CTNNA3: variants seen among roughly 807,000 people sequenced by gnomAD.
CTNNA3 encodes the protein catenin alpha 3.
In CTNNA3, 76 loss-of-function variants were observed where a neutral mutation model predicts 95.7. The observed-to-expected ratio is 0.79, with a 90% CI of 0.66 to 0.96. The LOEUF (loss-of-function observed/expected upper bound fraction) is 0.96. Among genes scored for constraint, CTNNA3 ranks in the 40% least tolerant of loss-of-function variants. The pLI is 0.00. For synonymous variants in CTNNA3, 431 were observed against 374.4 expected (o/e 1.15, Z -1.74); for missense variants, 1,191 against 1,089.8 (o/e 1.09, Z -1.31).
intron 9 of CTNNA3, among the ~76,000 whole-genome samples, chr10:66,711,907 C>T (rs2132608492): frequency 6.6e-6 from 1 of 152,176 alleles, no homozygotes; most frequent in African/African-American, 2.4e-5. Context: ...TGTGTTTTTA[C>T]TATTTAGAAT....
chr10:67,093,050 G>C (rs905236025), intron 7 of CTNNA3, among the ~76,000 whole-genome samples: 1 of 151,866 alleles, frequency 6.6e-6, no homozygotes, highest in Non-Finnish European at 1.5e-5. Flanking sequence ...CTTGGAAAAC[G>C]GTGATTTAGA....
chr10:66,050,899 A>T (rs577440030), intron 15 of CTNNA3, among the ~76,000 whole-genome samples: 8 of 151,670 alleles, frequency 5.3e-5, no homozygotes, highest in Middle Eastern at 3.2e-3. Context: ...TTTCGCCCAG[A>T]TGGGAGTACA....
At chr10:66,406,642 C>CT (rs1244299213) in intron 11 of CTNNA3, among the ~76,000 whole-genome samples, 18 of 151,990 alleles carry the variant, frequency 1.2e-4, no homozygotes, top group Non-Finnish European at 2.4e-4. Context: ...GTATCATTAC[C>CT]TTCATTCTTA....
chr10:65,977,913 A>G (rs1171089902), intron 16 of CTNNA3, among the ~76,000 whole-genome samples: 1 of 152,216 alleles, frequency 6.6e-6, no homozygotes, highest in Non-Finnish European at 1.5e-5. Flanking sequence ...AATTTCAAAA[A>G]TAGGAATTTA....
At chr10:67,170,320 C>T (rs929829656) in intron 7 of CTNNA3, among the ~76,000 whole-genome samples, 7 of 152,090 alleles carry the variant, frequency 4.6e-5, no homozygotes, top group African/African-American at 1.4e-4. Context: ...CACATGTACA[C>T]GAATGTTCAT....
chr10:67,491,570 C>T (rs1235468106), intron 5 of CTNNA3, among the ~76,000 whole-genome samples: 3 of 152,076 alleles, frequency 2.0e-5, no homozygotes, highest in Non-Finnish European at 2.9e-5. Flanking sequence ...TATGCAAAGG[C>T]ATGAAGTCAG....
intron 7 of CTNNA3, among the ~76,000 whole-genome samples, chr10:67,105,103 T>C (rs1858556005): frequency 6.6e-6 from 1 of 152,086 alleles, no homozygotes; most frequent in Non-Finnish European, 1.5e-5. Flanking sequence ...AATCTGCCAG[T>C]AATTTTAAAA....
intron 5 of CTNNA3, among the ~76,000 whole-genome samples, chr10:67,515,807 C>T (rs1050584075): frequency 2.0e-5 from 3 of 152,168 alleles, no homozygotes. Flanking sequence ...CTTCATCTTA[C>T]AAAGGTCACT....
At chr10:67,009,120 A>G (rs923195890) in intron 7 of CTNNA3, among the ~76,000 whole-genome samples, 4 of 152,102 alleles carry the variant, frequency 2.6e-5, no homozygotes, top group African/African-American at 7.2e-5. Context: ...TGTATTCATT[A>G]TTTTTAATAT....
chr10:67,198,965 G>T (rs1863508787), intron 6 of CTNNA3, among the ~76,000 whole-genome samples: 1 of 151,816 alleles, frequency 6.6e-6, no homozygotes, highest in Admixed American at 6.6e-5. Flanking sequence ...ACAAGAACAT[G>T]TGCAATATAA....
chr10:67,213,775 T>C (rs1296343226), intron 6 of CTNNA3, among the ~76,000 whole-genome samples: 3 of 151,796 alleles, frequency 2.0e-5, no homozygotes, highest in Non-Finnish European at 4.4e-5. Flanking sequence ...TAAATACATT[T>C]CTAGGTGGCC....
intron 9 of CTNNA3, among the ~76,000 whole-genome samples, chr10:66,624,569 T>C (rs1021634712): frequency 1.1e-4 from 17 of 152,044 alleles, no homozygotes; most frequent in African/African-American, 3.6e-4. Context: ...TTGAACTCAG[T>C]AGTAGGCTGG....
At chr10:66,519,149 G>A (rs908439896) in intron 11 of CTNNA3, among the ~76,000 whole-genome samples, 6 of 152,026 alleles carry the variant, frequency 3.9e-5, no homozygotes, top group Non-Finnish European at 8.8e-5. Flanking sequence ...TTAGACAGAG[G>A]ATTACTTTTT....
In CTNNA3 at chr10:66,662,031, A is replaced by G. The variant is rs1846282215; in HGVS notation, c.1282-40247T>C. On this transcript the variant is annotated intron_variant, in intron 9 of 17. Coordinates refer to ENST00000433211, the MANE Select transcript of CTNNA3 (RefSeq NM_013266.4). Reference sequence around the variant, plus strand: ...ACATTATAAAATTAAAAAGTTCTGGATGCCGCAAGTGACCTCTACATTTGC... The same window carrying G: ...ACATTATAAAATTAAAAAGTTCTGGGTGCCGCAAGTGACCTCTACATTTGC... Among the ~76,000 whole-genome samples the G allele has an allele frequency of 2.6e-5, 4 of 152,170 alleles. No individual in the cohort carries two copies. In the South Asian group the frequency reaches 8.3e-4, roughly 31 times the overall value.
At chr10:66,422,879 C>T (rs1176453497) in intron 11 of CTNNA3, among the ~76,000 whole-genome samples, 1 of 151,684 alleles carries the variant, frequency 6.6e-6, no homozygotes, top group Admixed American at 6.6e-5. Flanking sequence ...ATCCACCTCC[C>T]TCGGCCTACC....
At chr10:67,274,615 C>G (rs559362851) in intron 5 of CTNNA3, among the ~76,000 whole-genome samples, 44 of 152,118 alleles carry the variant, frequency 2.9e-4, no homozygotes, top group South Asian at 6.2e-4. Context: ...ATTGCTTGAG[C>G]CCAGGAATTC....
At chr10:67,237,126 GTA>G (rs59511861) in intron 5 of CTNNA3, among the ~76,000 whole-genome samples, 590 of 39,828 alleles carry the variant, frequency 0.015, 22 homozygotes, top group African/African-American at 0.046. Flanking sequence ...TATGGTGTAT[GTA>G]TATATATATA....
At chr10:67,615,573 T>C (rs1032375283) in intron 2 of CTNNA3, among the ~76,000 whole-genome samples, 6 of 151,662 alleles carry the variant, frequency 4.0e-5, no homozygotes, top group African/African-American at 1.5e-4. Flanking sequence ...TGCCAGAACA[T>C]GGCAATGAGC....
At chr10:66,796,289 A>C (rs1170341296) in intron 7 of CTNNA3, among the ~76,000 whole-genome samples, 1 of 152,006 alleles carries the variant, frequency 6.6e-6, no homozygotes, top group Admixed American at 6.6e-5. Context: ...CATGGTTATT[A>C]ATTGACCTAA....
Sources: gnomAD v4.1 joint callset for allele counts (sites outside exome capture counted in the v4.1 genomes callset) on GRCh38, gnomAD v4.1.1 for gene constraint, MANE v1.5 for transcripts, NCBI Gene and HGNC (gene_info 2026-07-23, HGNC 2026-07-21) for gene names.